TLE1: variants seen among roughly 807,000 people sequenced by gnomAD.
TLE1 encodes TLE family member 1, transcriptional corepressor.
TLE1 carries 21 observed loss-of-function variants against 89.8 expected under a neutral mutation model. The observed-to-expected ratio is 0.23, with a 90% CI of 0.17 to 0.34. The LOEUF (loss-of-function observed/expected upper bound fraction) is 0.34, where lower values mean the gene tolerates loss of function less well. Among genes scored for constraint, TLE1 ranks in the 10% least tolerant of loss-of-function variants. TLE1 has a pLI of 1.00. For synonymous variants in TLE1, 447 were observed against 407.6 expected (o/e 1.10, Z -1.16); for missense variants, 795 against 1,031.2 (o/e 0.77, Z 3.14).
chr9:81,587,634 C>A (rs769059586), intron 17 of TLE1, 47 bp downstream of exon 17: 2 of 1,562,856 alleles, frequency 1.3e-6, no homozygotes, highest in Non-Finnish European at 1.7e-6. Flanking sequence ...GAAGACACAC[C>A]CCAGCCACCT....
chr9:81,687,441 G>T lies in TLE1; in HGVS notation c.25-7C>A. 1 of 1,605,900 alleles carries T rather than the reference G, an allele frequency of 6.2e-7. No individual in the cohort carries two copies. The highest frequency in any genetic ancestry group is 8.5e-7 in the Non-Finnish European group (1 of 1,176,472). On this transcript the variant is annotated splice_region_variant and splice_polypyrimidine_tract_variant and intron_variant, in intron 1 of 19. Coordinates refer to ENST00000376499, the MANE Select transcript of TLE1 (RefSeq NM_005077.5). ...CTGCAGCCTGGTGCGGCGTCTGGGG[G>T]CGACCAGCGAGGGGGACCGAGGGAC... is the stretch of plus-strand genomic sequence containing the variant.
chr9:81,652,246 C>G lies in TLE1; in HGVS notation c.340G>C (p.Val114Leu). ...VAQAVERAKQ[V>L]TMAELNAIIG... ...ATGGCATTCAATTCTGCCATGGTCA[C>G]CTGTTTGGCACGTTCAACAGCCTGG... The change falls in exon 6 of 20, where the codon GTG (valine) becomes CTG (leucine). Residue 114 changes from valine to leucine, a missense_variant. This residue lies in a region of TLE1 where 66 missense variants were observed against 118.7 expected (regional missense o/e 0.56). Coordinates refer to ENST00000376499, the MANE Select transcript of TLE1 (RefSeq NM_005077.5). 6.2e-7 allele frequency: 1 copy of G among 1,614,020 alleles called. No individual in the cohort carries two copies. Among genetic ancestry groups the G allele is most frequent in the Non-Finnish European group, 8.5e-7 (1 of 1,179,972 alleles).
At chr9:81,633,881 G>A in intron 7 of TLE1, 2 of 509,074 alleles carry the variant, frequency 3.9e-6, no homozygotes, top group South Asian at 8.6e-5. Context: ...CAAGATGCCT[G>A]CAATCTAACG....
chr9:81,646,774 C>T (rs1005629456), intron 6 of TLE1, among the ~76,000 whole-genome samples: 14 of 152,202 alleles, frequency 9.2e-5, no homozygotes, highest in Non-Finnish European at 1.8e-4. Flanking sequence ...TTTGAATTCA[C>T]AGCCATCCCC....
chr9:81,609,734 A>C (rs1306851325), intron 14 of TLE1, among the ~76,000 whole-genome samples: 1 of 152,070 alleles, frequency 6.6e-6, no homozygotes, highest in Non-Finnish European at 1.5e-5. Flanking sequence ...AACACAACCT[A>C]CCCTTCAAAT....
At chr9:81,602,933 T>C (rs539352893) in intron 14 of TLE1, among the ~76,000 whole-genome samples, 3 of 152,018 alleles carry the variant, frequency 2.0e-5, no homozygotes, top group South Asian at 4.2e-4. Context: ...GAGAAGAAGT[T>C]TGGGGAGGCT....
At chr9:81,612,307 A>C in intron 12 of TLE1, 1 of 1,051,552 alleles carries the variant, frequency 9.5e-7, no homozygotes, top group East Asian at 7.0e-5. Flanking sequence ...TTAATCTCAA[A>C]AGAAGATTTT....
At chr9:81,661,417 G>T (rs1177687729) in intron 4 of TLE1, among the ~76,000 whole-genome samples, 1 of 151,916 alleles carries the variant, frequency 6.6e-6, no homozygotes, top group African/African-American at 2.4e-5. Flanking sequence ...AAAACAGGGT[G>T]AGGACTGCTT....
chr9:81,596,619 A>G (rs1830251469), intron 14 of TLE1, among the ~76,000 whole-genome samples: 1 of 152,244 alleles, frequency 6.6e-6, no homozygotes, highest in African/African-American at 2.4e-5. Context: ...ATGTATAAAC[A>G]GATAGTGAGC....
chr9:81,627,318 C>T lies in TLE1; in HGVS notation c.594+6030G>A, dbSNP rs546842472. Reference sequence around the variant, plus strand: ...TTTGGAGGGAAAAATTGTTCTCTCACTTTTTTTTTTTTAAGAGTAAAGATG... The same window carrying T: ...TTTGGAGGGAAAAATTGTTCTCTCATTTTTTTTTTTTTAAGAGTAAAGATG... On this transcript the variant is annotated intron_variant, in intron 8 of 19. Transcript: ENST00000376499. Among the ~76,000 whole-genome samples, 68 of 147,722 alleles carry T rather than the reference C, an allele frequency of 4.6e-4. 4 individuals carry two copies. The South Asian group carries it at 0.011, about 25-fold the overall frequency.
intron 4 of TLE1, among the ~76,000 whole-genome samples, chr9:81,671,986 G>T (rs1231695638): frequency 1.3e-5 from 2 of 152,158 alleles, no homozygotes; most frequent in South Asian, 4.1e-4. Flanking sequence ...AATGGAAAAA[G>T]TTCTGGGACC....
chr9:81,640,989 C>T (rs185175772), intron 6 of TLE1, among the ~76,000 whole-genome samples: 2 of 152,270 alleles, frequency 1.3e-5, no homozygotes, highest in East Asian at 3.9e-4. Context: ...CAGACTTAAC[C>T]CAACCCAAAC....
intron 4 of TLE1, among the ~76,000 whole-genome samples, chr9:81,670,063 C>A (rs900541730): frequency 1.6e-4 from 24 of 152,174 alleles, no homozygotes; most frequent in Non-Finnish European, 5.9e-5. Context: ...ACAACGTTGG[C>A]CAACCCTGCA....
At chr9:81,608,520 TA>T (rs1220931244) in intron 14 of TLE1, among the ~76,000 whole-genome samples, 1 of 151,890 alleles carries the variant, frequency 6.6e-6, no homozygotes, top group Admixed American at 6.6e-5. Context: ...TTTCTAAAAA[TA>T]AAAAACTCAC....
At chr9:81,596,374 C>T (rs1045966297) in intron 14 of TLE1, among the ~76,000 whole-genome samples, 1 of 152,028 alleles carries the variant, frequency 6.6e-6, no homozygotes, top group Non-Finnish European at 1.5e-5. Context: ...TGCTGGAGAG[C>T]CAAATCAAAT....
intron 14 of TLE1, among the ~76,000 whole-genome samples, chr9:81,606,299 C>A (rs959005356): frequency 3.3e-5 from 5 of 152,202 alleles, no homozygotes; most frequent in Non-Finnish European, 7.3e-5. Context: ...ATAAATCATG[C>A]TGCTATAAAG....
chr9:81,616,103 T>C lies in TLE1; in HGVS notation c.797A>G (p.His266Arg), dbSNP rs1317316111. The C allele has an allele frequency of 1.2e-6, 2 of 1,613,786 alleles. No homozygotes were observed. Among genetic ancestry groups the C allele is most frequent in the Non-Finnish European group, 1.7e-6 (2 of 1,179,960 alleles). Residue 266 changes from histidine (H) to arginine (R), a missense_variant, in exon 11 of 20, where the codon CAC (histidine) becomes CGC (arginine). By Grantham distance (29) the His-to-Arg change is conservative. Around this residue, in one of 4 missense-constraint regions of TLE1, gnomAD observed 468 missense variants for 509.1 expected, o/e 0.92. Transcript: ENST00000376499. ...GTCGATTCCATTTTCCCGGGGCGAG[T>C]GGGCAGGGCTTGCTCGCGGAGAAGA... ...DPSSPRASPA[H>R]SPRENGIDKN...
chr9:81,674,874 G>A (rs772315757), intron 4 of TLE1, among the ~76,000 whole-genome samples: 4 of 152,168 alleles, frequency 2.6e-5, no homozygotes, highest in African/African-American at 9.7e-5. Context: ...GTACATGGAC[G>A]CCAGGTGTGG....
chr9:81,659,422 T>C (rs777439492), intron 4 of TLE1, among the ~76,000 whole-genome samples: 3 of 152,176 alleles, frequency 2.0e-5, no homozygotes, highest in Non-Finnish European at 2.9e-5. Flanking sequence ...CTTATAAACT[T>C]TCCCTGTGCC....
Sources: allele counts gnomAD v4.1 joint callset (sites outside exome capture counted in the v4.1 genomes callset), GRCh38; gene constraint gnomAD v4.1.1; regional missense constraint gnomAD v4.1.1; transcripts MANE v1.5; gene names NCBI Gene and HGNC (gene_info 2026-07-23, HGNC 2026-07-21).